The following C8B variants were observed in gnomAD, a reference collection of about 807,000 sequenced individuals.
C8B encodes complement C8 beta chain, also known as complement component C8 beta chain.
A neutral mutation model predicts 64.6 loss-of-function variants in C8B; 67 were observed. The observed-to-expected ratio is 1.04, with a 90% CI of 0.85 to 1.27. C8B has a LOEUF of 1.27. Ranked by LOEUF, C8B falls within the 50% of genes most tolerant of loss-of-function variation. The pLI, the probability that C8B is intolerant of heterozygous loss-of-function variation, is 0.00. For synonymous variants in C8B, 284 were observed against 257.7 expected (o/e 1.10, Z -0.98); for missense variants, 790 against 725.2 (o/e 1.09, Z -1.03).
At chr1:56,941,865 TCA>T (rs1644869211) in intron 8 of C8B, among the ~76,000 whole-genome samples, 1 of 152,210 alleles carries the variant, frequency 6.6e-6, no homozygotes, top group African/African-American at 2.4e-5. Context: ...GAAACTGAGT[TCA>T]TCCTCTCCTC....
rs2101453270 is a variant in C8B at position 56,956,887 on chromosome 1, C to T, written c.273G>A (p.Gln91=). The T allele has an allele frequency of 2.5e-6, 4 of 1,614,096 alleles. No homozygotes were observed. The highest frequency in any genetic ancestry group is 3.4e-6 in the Non-Finnish European group (4 of 1,179,998). The change falls in exon 3 of 12, where the codon CAG becomes CAA. Residue 91 remains glutamine, a synonymous_variant. Transcript: ENST00000371237. ...ACGGTTCCCCATGGAACTGAGAGGG[C>T]TGGAGCAAGTAGGCATACCTGTACT... The part of the protein sequence containing the change: ...KKRYRYAYLL[Q]PSQFHGEPCN...
rs370556701 is a variant in C8B, at chr1:56,943,733, A to G, written c.1197T>C (p.Ser399=). 1.2e-6 allele frequency: 2 copies of G among 1,614,158 alleles called. No individual in the cohort carries two copies. Among genetic ancestry groups the G allele is most frequent in the Admixed American group, 1.7e-5 (1 of 60,030 alleles). The change falls in exon 8 of 12, where the codon TCT becomes TCC. Residue 399 remains serine (S), a synonymous_variant. Coordinates refer to ENST00000371237, the MANE Select transcript of C8B (RefSeq NM_000066.4). ...TCAGAATACCTCTGCATTTGCCTAC[A>G]GACACACCCAGACTGACGTAGACCT... The part of the protein sequence containing the change: ...IEEVYVSLGV[S]VGKCRGILNE...
intron 9 of C8B, among the ~76,000 whole-genome samples, chr1:56,938,052 G>A (rs1238621273): frequency 1.3e-5 from 2 of 152,222 alleles, no homozygotes; most frequent in African/African-American, 4.8e-5. Flanking sequence ...CTTTGGCTTA[G>A]TTTTCAATGA....
chr1:56,962,880 A>C (rs1268100642), intron 1 of C8B, among the ~76,000 whole-genome samples: 6 of 152,220 alleles, frequency 3.9e-5, no homozygotes, highest in Non-Finnish European at 8.8e-5. Flanking sequence ...ATGATTCTGC[A>C]ACTCACTTTT....
At chr1:56,959,739 T>A in intron 2 of C8B, 4 of 875,744 alleles carry the variant, frequency 4.6e-6, no homozygotes, top group Non-Finnish European at 6.9e-6. Context: ...TTCCCCTGTT[T>A]CATGATGAAA....
At chr1:56,949,790 G>A (rs1451940540) in intron 5 of C8B, 38 bp from the exon 6 acceptor site, 1 of 1,455,588 alleles carries the variant, frequency 6.9e-7, no homozygotes, top group East Asian at 2.3e-5. Context: ...TATTTCATTT[G>A]ACTCAAATCA....
At chr1:56,952,901 A>G (rs1645046895) in intron 4 of C8B, among the ~76,000 whole-genome samples, 1 of 152,212 alleles carries the variant, frequency 6.6e-6, no homozygotes, top group African/African-American at 2.4e-5. Flanking sequence ...TAAATGTGCT[A>G]TTTATGTATT....
chr1:56,942,256 CTG>C (rs1557731964), intron 8 of C8B, among the ~76,000 whole-genome samples: 2 of 42,156 alleles, frequency 4.7e-5, no homozygotes, highest in East Asian at 3.0e-3. Context: ...TTTATAAAGG[CTG>C]TGCTAAGTAA....
intron 3 of C8B, among the ~76,000 whole-genome samples, 183 bp downstream of exon 3, chr1:56,956,586 C>T (rs569308289): frequency 2.6e-5 from 4 of 152,266 alleles, no homozygotes; most frequent in African/African-American, 9.6e-5. Context: ...ATAACACCTA[C>T]ATTATAAGGT....
intron 2 of C8B, among the ~76,000 whole-genome samples, chr1:56,959,221 A>C (rs1379009594): frequency 6.6e-6 from 1 of 152,254 alleles, no homozygotes; most frequent in Non-Finnish European, 1.5e-5. Flanking sequence ...AACAAGATCA[A>C]ACACCACATA....
At chr1:56,947,806 C>T (rs982834763) in intron 6 of C8B, among the ~76,000 whole-genome samples, 1 of 152,050 alleles carries the variant, frequency 6.6e-6, no homozygotes, top group Non-Finnish European at 1.5e-5. Flanking sequence ...TAGCATGTGC[C>T]TGTAGTCCCA....
chr1:56,945,089 G>C (rs529023478), intron 7 of C8B, among the ~76,000 whole-genome samples: 1 of 152,138 alleles, frequency 6.6e-6, no homozygotes, highest in Non-Finnish European at 1.5e-5. Context: ...AGCAGCATCA[G>C]GGTCACTCCA....
At chr1:56,942,952 C>T (rs1024655692) in intron 8 of C8B, among the ~76,000 whole-genome samples, 38 of 151,408 alleles carry the variant, frequency 2.5e-4, no homozygotes, top group African/African-American at 8.2e-4. Context: ...AATAATTAGC[C>T]GAGCATGGTG....
At chr1:56,933,556 T>A in intron 9 of C8B, 68 bp from the exon 10 acceptor site, 1 of 1,338,120 alleles carries the variant, frequency 7.5e-7, no homozygotes, top group African/African-American at 1.4e-5. Flanking sequence ...AAAACAAAAC[T>A]ACAAAGGAAT....
chr1:56,932,709 T>C (rs1177011961), intron 10 of C8B, among the ~76,000 whole-genome samples: 2 of 152,174 alleles, frequency 1.3e-5, no homozygotes, highest in East Asian at 3.9e-4. Flanking sequence ...CTGGACCCTT[T>C]CTGCCTGAGA....
At chr1:56,947,756 C>T (rs888687361) in intron 6 of C8B, among the ~76,000 whole-genome samples, 9 of 151,352 alleles carry the variant, frequency 5.9e-5, no homozygotes, top group African/African-American at 2.2e-4. Context: ...ATGGTGAAAC[C>T]CCGTCTCTAC....
In C8B at chr1:56,945,874, C is replaced by A; in HGVS notation, c.1052G>T (p.Gly351Val). ...GTHYITEAVL[G>V]GIYEYTLVMN... ...AACGAGGGTGTATTCATAAATGCCC[C>A]CAAGCACAGCCTCTGTGATGTAGTG... Residue 351 changes from glycine to valine, a missense_variant, in exon 7 of 12, where the codon GGG becomes GTG. Coordinates refer to ENST00000371237, the MANE Select transcript of C8B (RefSeq NM_000066.4). 6.2e-7 allele frequency: 1 copy of A among 1,614,092 alleles called. No individual in the cohort carries two copies. The highest frequency in any genetic ancestry group is 2.2e-5 in the East Asian group (1 of 44,868).
intron 6 of C8B, among the ~76,000 whole-genome samples, chr1:56,947,138 A>T (rs1282086403): frequency 6.6e-6 from 1 of 152,234 alleles, no homozygotes; most frequent in Non-Finnish European, 1.5e-5. Flanking sequence ...TCAATGCCCC[A>T]GTCAGAGTTG....
chr1:56,953,011 A>T (rs1271566255), intron 4 of C8B, among the ~76,000 whole-genome samples: 2 of 152,224 alleles, frequency 1.3e-5, no homozygotes, highest in Non-Finnish European at 2.9e-5. Flanking sequence ...CACAATAATT[A>T]CTGTTTACTG....
Sources: gnomAD v4.1 joint callset for allele counts (sites outside exome capture counted in the v4.1 genomes callset) on GRCh38, gnomAD v4.1.1 for gene constraint, MANE v1.5 for transcripts, NCBI Gene and HGNC (gene_info 2026-07-23, HGNC 2026-07-21) for gene names.